PARD3B: variants seen among roughly 807,000 people sequenced by gnomAD.
PARD3B encodes the protein par-3 family cell polarity regulator beta.
A neutral mutation model predicts 130.2 loss-of-function variants in PARD3B; 103 were observed. The observed-to-expected ratio is 0.79, with a 90% CI of 0.67 to 0.93. The LOEUF (loss-of-function observed/expected upper bound fraction) is 0.93. PARD3B is among the 40% of genes least tolerant of loss of function. PARD3B has a pLI of 0.00. For missense variants in PARD3B, 1,609 were observed against 1,499.2 expected, an observed-to-expected ratio of 1.07 and a Z score of -1.21; for synonymous variants, 583 against 553.2, an observed-to-expected ratio of 1.05 and a Z score of -0.76.
chr2:205,282,310 C>T (rs962382978), intron 16 of PARD3B, among the ~76,000 whole-genome samples: 1 of 151,910 alleles, frequency 6.6e-6, no homozygotes, highest in Admixed American at 6.6e-5. Flanking sequence ...TCTTTTCATT[C>T]TTGATAACAG....
intron 2 of PARD3B, among the ~76,000 whole-genome samples, chr2:204,895,636 TAGTG>T (rs1433062386): frequency 4.6e-5 from 7 of 152,256 alleles, no homozygotes; most frequent in African/African-American, 9.6e-5. Flanking sequence ...TTTTCAAACT[TAGTG>T]AGCTCCCCCG....
intron 15 of PARD3B, among the ~76,000 whole-genome samples, chr2:205,232,016 A>G (rs986202895): frequency 6.6e-6 from 1 of 152,252 alleles, no homozygotes; most frequent in Non-Finnish European, 1.5e-5. Context: ...TGGATAAGGT[A>G]TGCAAGAGGC....
intron 1 of PARD3B, among the ~76,000 whole-genome samples, chr2:204,637,886 G>A (rs2125149324): frequency 6.6e-6 from 1 of 152,250 alleles, no homozygotes; most frequent in Admixed American, 6.5e-5. Context: ...GGGCATAGGA[G>A]AGAGATGCGG....
intron 5 of PARD3B, among the ~76,000 whole-genome samples, chr2:205,108,444 AC>A (rs1440686263): frequency 2.0e-5 from 3 of 151,836 alleles, no homozygotes; most frequent in Non-Finnish European, 4.4e-5. Context: ...TGTACACAGC[AC>A]CTTTCTTTGT....
At chr2:205,059,450 T>C (rs1367546056) in intron 4 of PARD3B, among the ~76,000 whole-genome samples, 1 of 152,080 alleles carries the variant, frequency 6.6e-6, no homozygotes, top group African/African-American at 2.4e-5. Context: ...TTTGTCTCCC[T>C]TTCTGCTAAT....
At chr2:205,162,196 A>G (rs1255600337) in intron 11 of PARD3B, among the ~76,000 whole-genome samples, 1 of 152,168 alleles carries the variant, frequency 6.6e-6, no homozygotes, top group Non-Finnish European at 1.5e-5. Context: ...CTAAAAACCA[A>G]CAGAACAATA....
At chr2:204,789,620 C>G (rs1316871970) in intron 2 of PARD3B, among the ~76,000 whole-genome samples, 1 of 152,078 alleles carries the variant, frequency 6.6e-6, no homozygotes, top group Non-Finnish European at 1.5e-5. Context: ...AAGCCATCAG[C>G]CTGAATTCTG....
chr2:205,502,218 T>G (rs2050183250), intron 21 of PARD3B, among the ~76,000 whole-genome samples: 1 of 152,166 alleles, frequency 6.6e-6, no homozygotes, highest in African/African-American at 2.4e-5. Context: ...CTTGCCACTT[T>G]TGGAGAGATC....
rs530015694 is a variant in PARD3B at position 205,263,849 on chromosome 2, C to T, written c.2185+18027C>T. Among the ~76,000 whole-genome samples, 30 of 151,136 alleles carry T rather than the reference C, an allele frequency of 2.0e-4. No individual in the cohort carries two copies. Among genetic ancestry groups the T allele is most frequent in the Middle Eastern group, 3.4e-3 (1 of 294 alleles). On this transcript the variant is annotated intron_variant, in intron 16 of 22. Transcript: ENST00000406610. This position sits in a 1 kb window ranked among gnomAD's most constrained non-coding sequence, Gnocchi z 4.0. ...CTGTATACAGAATATATAAAAGTTC[C>T]GAACCCAAGGAATTGCCAAAATTTA... is the stretch of plus-strand genomic sequence containing the variant.
At chr2:204,587,196 A>G (rs1181057706) in intron 1 of PARD3B, among the ~76,000 whole-genome samples, 1 of 152,190 alleles carries the variant, frequency 6.6e-6, no homozygotes, top group Admixed American at 6.6e-5. Flanking sequence ...GATATGACTT[A>G]TACAGACAAG....
At chr2:205,319,315 C>A (rs1313114339) in intron 18 of PARD3B, among the ~76,000 whole-genome samples, 3 of 152,212 alleles carry the variant, frequency 2.0e-5, no homozygotes, top group Admixed American at 1.3e-4. Context: ...ATGAGCCCCA[C>A]TCTGAAGTCC....
chr2:205,090,490 T>A (rs1702037989), intron 4 of PARD3B, among the ~76,000 whole-genome samples: 1 of 152,220 alleles, frequency 6.6e-6, no homozygotes, highest in Non-Finnish European at 1.5e-5. Flanking sequence ...GGTTTGTTAT[T>A]TCTGCATGCA....
At chr2:204,711,397 G>T (rs541028296) in intron 2 of PARD3B, among the ~76,000 whole-genome samples, 1 of 152,216 alleles carries the variant, frequency 6.6e-6, no homozygotes, top group African/African-American at 2.4e-5. Context: ...TGTATGAACA[G>T]ATAATAAAGT....
At chr2:205,148,502 C>T (rs915840426) in intron 10 of PARD3B, among the ~76,000 whole-genome samples, 5 of 152,126 alleles carry the variant, frequency 3.3e-5, no homozygotes, top group Admixed American at 3.3e-4. Context: ...ATAATAGCTA[C>T]CCAGTGCTTC....
At position 205,124,395 on chromosome 2, in the gene PARD3B, G is replaced by A. The variant is rs746499687; in HGVS notation, c.1234G>A (p.Val412Ile). ...SSIHGPGPIFVKNILPKGAAI... is the reference protein window; with the variant it reads ...SSIHGPGPIFIKNILPKGAAI... ...CATACATGGTCCCGGTCCCATTTTT[G>A]TAAAAAACATTTTACCAAAGGGAGC... Residue 412 changes from valine to isoleucine, a missense_variant, in exon 9 of 23, where the codon GTA (valine) becomes ATA (isoleucine). Coordinates refer to ENST00000406610, the MANE Select transcript of PARD3B (RefSeq NM_001302769.2). 3 of 1,603,406 alleles carry A rather than the reference G, an allele frequency of 1.9e-6. No homozygotes were observed. Among genetic ancestry groups the A allele is most frequent in the Non-Finnish European group, 1.7e-6 (2 of 1,174,372 alleles).
chr2:205,581,556 AAC>A (rs773032563), intron 22 of PARD3B, among the ~76,000 whole-genome samples: 61 of 149,478 alleles, frequency 4.1e-4, no homozygotes, highest in Admixed American at 6.8e-4. Flanking sequence ...ACAACAGGGT[AAC>A]TACAGCCAAT....
At chr2:205,065,779 C>A (rs1339289719) in intron 4 of PARD3B, among the ~76,000 whole-genome samples, 1 of 151,022 alleles carries the variant, frequency 6.6e-6, no homozygotes, top group Non-Finnish European at 1.5e-5. Context: ...TTAACCTTCC[C>A]TGCCATGTTG....
intron 15 of PARD3B, among the ~76,000 whole-genome samples, chr2:205,223,881 T>C (rs1018699293): frequency 6.6e-6 from 1 of 152,060 alleles, no homozygotes; most frequent in Non-Finnish European, 1.5e-5. Context: ...TCAGAGTAAA[T>C]GGGGTGTCCA....
rs868010095 is a variant in PARD3B at position 204,572,560 on chromosome 2, C to T, written c.120+26441C>T. ...GGGCTTTTTAACCTATATTTTAGGA[C>T]TTTGCATCATAAGCCAATTAAAAGA... On this transcript the variant is annotated intron_variant, in intron 1 of 22. Transcript: ENST00000406610. 3.9e-5 allele frequency among the ~76,000 whole-genome samples: 6 copies of T among 152,126 alleles called. No homozygotes were observed. In the South Asian group the frequency reaches 1.2e-3, roughly 32 times the overall value.
Sources: gnomAD v4.1 joint callset for allele counts (sites outside exome capture counted in the v4.1 genomes callset) on GRCh38, gnomAD v4.1.1 for gene constraint, Gnocchi (gnomAD v3.1) non-coding constraint, MANE v1.5 for transcripts, NCBI Gene and HGNC (gene_info 2026-07-23, HGNC 2026-07-21) for gene names.